Variants in WDR45 observed in about 807,000 individuals in gnomAD.
WDR45 encodes the protein WD repeat domain phosphoinositide-interacting protein 4.
In WDR45, 2 loss-of-function variants were observed where a neutral mutation model predicts 27.3. That is an observed-to-expected ratio of 0.07 (90% CI 0.03 to 0.23). The LOEUF (loss-of-function observed/expected upper bound fraction) is 0.23. WDR45 is among the 10% of genes least tolerant of loss of function. The probability of loss-of-function intolerance (pLI) is 1.00; values close to 1 mark genes in which losing one functional copy is unlikely to be tolerated. For missense variants in WDR45, 175 were observed against 311.9 expected (o/e 0.56, Z 3.31); for synonymous variants, 99 against 119.2 (o/e 0.83, Z 1.11).
chrX:49,091,546 G>A (rs1255979595), intron 2 of WDR45, among the ~76,000 whole-genome samples: 2 of 101,712 alleles, frequency 2.0e-5, no homozygotes, highest in African/African-American at 7.2e-5. Flanking sequence ...TCAGGAGATC[G>A]AGACCATCCT....
chrX:49,076,729 C>T lies in WDR45; in HGVS notation c.257G>A (p.Arg86Gln), dbSNP rs147437546. 3.4e-5 allele frequency: 41 copies of T among 1,204,606 alleles called. No individual in the cohort carries two copies. The highest frequency in any genetic ancestry group is 4.4e-5 in the Admixed American group (2 of 45,194). ...CTTCTCCTTGGAGTCCTTGCCCTCC[C>T]GGGCATCGTCCCAGATCAGCACTGC... ...EISVLIWDDAREGKDSKEKLV... is the reference protein window; with the variant it reads ...EISVLIWDDAQEGKDSKEKLV... Residue 86 changes from arginine to glutamine, a missense_variant, in exon 5 of 11, where the codon CGG becomes CAG. Arg to Gln is a conservative substitution (Grantham distance 43). This residue lies in a region of WDR45 where 102 missense variants were observed against 165.4 expected (regional missense o/e 0.62). Coordinates refer to ENST00000376372, the MANE Select transcript of WDR45 (RefSeq NM_001029896.2).
chrX:49,081,050 G>A (rs2065064927), upstream of WDR45, among the ~76,000 whole-genome samples: 2 of 106,921 alleles, frequency 1.9e-5, no homozygotes, highest in Non-Finnish European at 3.9e-5. Context: ...GGGATTACAG[G>A]CATGTGCCAC....
chrX:49,079,723 C>T (rs781991739), intron 1 of WDR45, 28 bp downstream of exon 1: 2 of 112,622 alleles, frequency 1.8e-5, no homozygotes, highest in South Asian at 3.7e-4. Flanking sequence ...ACTCGAAAGA[C>T]TTCCAGCCTC....
In WDR45 at chrX:49,074,689, T is replaced by C. The variant is rs890208109; in HGVS notation, c.*114A>G. 30 of 565,451 alleles carry C rather than the reference T, an allele frequency of 5.3e-5. No homozygotes were observed. The highest frequency in any genetic ancestry group is 7.2e-5 in the Non-Finnish European group (24 of 333,456). The allele number at this position is 565,451 out of a possible 1,213,427, so 46.6% of individuals were successfully genotyped here. A position where few individuals can be genotyped will look rare whatever the true frequency, so the allele number is the denominator to read the frequency against. The stretch of plus-strand genomic sequence containing the variant: ...AGACATAGCTCTGCTGAGTGGAAAG[T>C]GGGCACCAGCCCCATTAATGCTTGC... On this transcript the variant is annotated 3_prime_UTR_variant, in exon 11 of 11. Transcript: ENST00000376372.
intron 2 of WDR45, among the ~76,000 whole-genome samples, chrX:49,087,354 G>T (rs964764596): frequency 9.3e-6 from 1 of 107,371 alleles, no homozygotes; most frequent in East Asian, 3.0e-4. Context: ...GCAAAACTGC[G>T]TCTCAAAAAA....
intron 2 of WDR45, among the ~76,000 whole-genome samples, chrX:49,087,181 A>T (rs2065089215): frequency 9.2e-6 from 1 of 108,882 alleles, no homozygotes; most frequent in African/African-American, 3.3e-5. Context: ...GACATGGTGA[A>T]AGCCCGTCTT....
chrX:49,080,654 G>A (rs1001593256), upstream of WDR45, among the ~76,000 whole-genome samples: 9 of 110,221 alleles, frequency 8.2e-5, no homozygotes, highest in Admixed American at 8.8e-4. Flanking sequence ...TGTTGGTCAG[G>A]CTGGTCTCGA....
Position 49,077,922 on chromosome X carries a change from G to C in WDR45, c.56-11C>G, listed in dbSNP as rs782012481. 19 of 1,211,815 alleles carry C rather than the reference G, an allele frequency of 1.6e-5. No individual in the cohort carries two copies. Among genetic ancestry groups the C allele is most frequent in the Non-Finnish European group, 2.1e-5 (19 of 895,344 alleles). On this transcript the variant is annotated splice_polypyrimidine_tract_variant and intron_variant, in intron 2 of 10. Coordinates refer to ENST00000376372, the MANE Select transcript of WDR45 (RefSeq NM_001029896.2). ...CGCAGCAAAAGCAGCCTGGGGGATG[G>C]AAGGAATCCAGACTGCCTTAAAGAA...
chrX:49,091,515 C>G (rs1327192496), intron 2 of WDR45, among the ~76,000 whole-genome samples: 1 of 90,361 alleles, frequency 1.1e-5, no homozygotes, highest in Non-Finnish European at 2.2e-5. Flanking sequence ...TTTGGGAGGC[C>G]GAGGCGGGTG....
At position 49,077,674 on chromosome X, in the gene WDR45, A is replaced by G; in HGVS notation, c.204T>C (p.Gly68=). The G allele has an allele frequency of 8.3e-7, 1 of 1,200,753 alleles. No homozygotes were observed. Among genetic ancestry groups the G allele is most frequent in the Admixed American group, 2.2e-5 (1 of 44,672 alleles). The part of the protein sequence containing the change: ...HRSNLLALVG[G]GSSPKFSEIS... ...TCTCTGAGAACTTGGGACTACTACC[A>G]CCGCCCACCAAGGCCAGAAGGTTGG... The change falls in exon 4 of 11, where the codon GGT becomes GGC. Residue 68 remains glycine (G), a synonymous_variant. Transcript: ENST00000376372.
At chrX:49,097,659 ATTATTT>A (rs1972497378) in intron 2 of WDR45, among the ~76,000 whole-genome samples, 1 of 65,849 alleles carries the variant, frequency 1.5e-5, no homozygotes, top group Admixed American at 1.6e-4. Context: ...TATTATTATT[ATTATTT>A]TTTTTTTTGA....
chrX:49,098,072 C>T (rs1557087604), intron 2 of WDR45, among the ~76,000 whole-genome samples: 1 of 112,208 alleles, frequency 8.9e-6, no homozygotes, highest in Non-Finnish European at 1.9e-5. Context: ...CCACATCAGC[C>T]TCCTGAGTAG....
Position 49,076,901 on chromosome X carries a change from A to G in WDR45, c.236-151T>C, listed in dbSNP as rs191694795. The stretch of plus-strand genomic sequence containing the variant: ...AGTGAGATCCTCGCACAGCACGAGC[A>G]CTTGTGGATATGATCCCTGAGAGGA... On this transcript the variant is annotated intron_variant, in intron 4 of 10. Coordinates refer to ENST00000376372, the MANE Select transcript of WDR45 (RefSeq NM_001029896.2). The G allele has an allele frequency of 1.4e-4, 68 of 473,007 alleles. 1 individual carries two copies. The East Asian group carries it at 1.8e-3, about 12-fold the overall frequency. 39.0% of individuals were successfully genotyped at this position (473,007 alleles called of 1,213,427 possible).
At chrX:49,083,608 T>C (rs1025335509), upstream of WDR45, among the ~76,000 whole-genome samples, 4 of 110,331 alleles carry the variant, frequency 3.6e-5, no homozygotes, top group African/African-American at 1.3e-4. Flanking sequence ...TTTCCTTTGC[T>C]CAGATGCTCC....
chrX:49,099,861 G>A (rs921762886), intron 2 of WDR45, among the ~76,000 whole-genome samples: 3 of 110,458 alleles, frequency 2.7e-5, no homozygotes, highest in Non-Finnish European at 5.7e-5. Context: ...TTGTTTCTTG[G>A]GACCAGACCT....
intron 2 of WDR45, among the ~76,000 whole-genome samples, chrX:49,093,266 G>A (rs1195836319): frequency 9.1e-6 from 1 of 109,829 alleles, no homozygotes; most frequent in Non-Finnish European, 1.9e-5. Context: ...GGGGTCTTGA[G>A]GTCTCACTAT....
chrX:49,077,058 G>A (rs1318974559), intron 4 of WDR45: 5 of 289,027 alleles, frequency 1.7e-5, no homozygotes, highest in Admixed American at 1.2e-4. Flanking sequence ...ACTTCCCCTC[G>A]GTAACTATTT....
At chrX:49,088,816 C>T in intron 2 of WDR45, among the ~76,000 whole-genome samples, 1 of 111,510 alleles carries the variant, frequency 9.0e-6, no homozygotes, top group Non-Finnish European at 1.9e-5. Context: ...CACTACAATC[C>T]AGCCTAGACA....
At chrX:49,094,288 G>T (rs2147828246) in intron 2 of WDR45, among the ~76,000 whole-genome samples, 1 of 110,687 alleles carries the variant, frequency 9.0e-6, no homozygotes, top group East Asian at 2.9e-4. Context: ...GGCCAACATG[G>T]CAAAATCCCG....
Sources: gnomAD v4.1 joint callset for allele counts (sites outside exome capture counted in the v4.1 genomes callset) on GRCh38, gnomAD v4.1.1 for gene constraint, gnomAD v4.1.1 regional missense constraint, MANE v1.5 for transcripts, NCBI Gene and HGNC (gene_info 2026-07-23, HGNC 2026-07-21) for gene names.